Variants in ZFP30 observed in about 807,000 individuals in gnomAD.
ZFP30 encodes zinc finger protein 30 homolog.
Under a neutral mutation model 12.3 loss-of-function variants are expected in ZFP30, and 16 were observed. The ratio of observed to expected loss-of-function variants is 1.30; its 90% confidence interval spans 0.88 to 1.98. The LOEUF (loss-of-function observed/expected upper bound fraction) is 1.98, where lower values mean the gene tolerates loss of function less well. ZFP30 is among the 30% of genes most tolerant of loss of function. The pLI, the probability that ZFP30 is intolerant of heterozygous loss-of-function variation, is 0.00. For synonymous variants in ZFP30, 172 were observed against 201.0 expected, an observed-to-expected ratio of 0.86 and a Z score of 1.22; for missense variants, 560 against 611.2, an observed-to-expected ratio of 0.92 and a Z score of 0.88.
At position 37,644,672 on chromosome 19, in the gene ZFP30, G is replaced by T; in HGVS notation, c.74C>A (p.Ser25Ter). 6.2e-7 allele frequency: 1 copy of T among 1,613,382 alleles called. No homozygotes were observed. Among genetic ancestry groups the T allele is most frequent in the South Asian group, 1.1e-5 (1 of 90,946 alleles). Residue 25 changes from serine to a stop codon, truncating the protein, a stop_gained, in exon 4 of 6, where the codon TCA (serine) becomes TAA (stop). Transcript: ENST00000684514. LOFTEE classifies it high-confidence loss of function. ...ATCTCTGTACAAATTCCTCTGATAT[G>T]AGTTCAGGCATTCCCATTCTTCCTG... The part of the protein sequence containing the change: ...FSQEEWECLN[S>*]YQRNLYRDVI...
At chr19:37,646,479 TATACCAG>T (rs1324765665) in intron 3 of ZFP30, among the ~76,000 whole-genome samples, 4 of 152,188 alleles carry the variant, frequency 2.6e-5, no homozygotes, top group East Asian at 1.9e-4. Context: ...ATGTAAAATA[TATACCAG>T]ATACCAGATA....
In ZFP30 at chr19:37,633,789, A is replaced by G. The variant is rs1264958556; in HGVS notation, c.*1192T>C. On this transcript the variant is annotated 3_prime_UTR_variant, in exon 6 of 6. Coordinates refer to ENST00000684514, the MANE Select transcript of ZFP30 (RefSeq NM_001320669.3). The stretch of plus-strand genomic sequence containing the variant: ...AAAACAAATAAAAACCATGTATCCA[A>G]GACTTAGGTTACCATCATTTTGCCA... 3 of 152,224 alleles carry G rather than the reference A, an allele frequency of 2.0e-5. No individual in the cohort carries two copies. The East Asian group carries it at 5.8e-4, about 29-fold the overall frequency. 9.4% of individuals were successfully genotyped at this position (152,224 alleles called of 1,614,324 possible).
At chr19:37,655,076 G>T (rs549311693) in intron 1 of ZFP30, 197 bp from the exon 2 acceptor site, 1 of 152,414 alleles carries the variant, frequency 6.6e-6, no homozygotes, top group South Asian at 2.1e-4. Context: ...GTTTTGCAGG[G>T]GACCTTCATC....
At chr19:37,651,783 C>T (rs148913600) in intron 2 of ZFP30, among the ~76,000 whole-genome samples, 10 of 152,202 alleles carry the variant, frequency 6.6e-5, no homozygotes, top group Non-Finnish European at 1.5e-4. Context: ...GAAGGAATTG[C>T]TTGGGCAGTT....
Position 37,640,765 on chromosome 19 carries a change from A to T in ZFP30, c.235+2500T>A, listed in dbSNP as rs114587361. The stretch of plus-strand genomic sequence containing the variant: ...TAAAATAAAGTAAAATAAAATAATA[A>T]AATAAAATAAAATAGGGAGCAAATT... On this transcript the variant is annotated intron_variant, in intron 5 of 5. Transcript: ENST00000684514. 4.8e-3 allele frequency among the ~76,000 whole-genome samples: 732 copies of T among 151,766 alleles called. 7 individuals carry two copies. Among genetic ancestry groups the T allele is most frequent in the African/African-American group, 0.017 (684 of 41,422 alleles).
At chr19:37,640,869 A>T (rs1355111871) in intron 5 of ZFP30, among the ~76,000 whole-genome samples, 1 of 152,114 alleles carries the variant, frequency 6.6e-6, no homozygotes, top group South Asian at 2.1e-4. Flanking sequence ...CTGATACAAG[A>T]TTATACAGGA....
In ZFP30 at chr19:37,635,886, A is replaced by G; in HGVS notation, c.655T>C (p.Cys219Arg). The change falls in exon 6 of 6, where the codon TGT becomes CGT. Residue 219 changes from cysteine (C) to arginine (R), a missense_variant. Cys to Arg is a radical substitution (Grantham distance 180, BLOSUM62 -3). Transcript: ENST00000684514. ...GAGCCACATGTGAAGATCTTTCCAC[A>G]TTTTTTACATTCATAGAGTTTGTCA... ...TSDKLYECKK[C>R]GKIFTCGSDL... 3.1e-6 allele frequency: 5 copies of G among 1,614,074 alleles called. No individual in the cohort carries two copies. The highest frequency in any genetic ancestry group is 4.2e-6 in the Non-Finnish European group (5 of 1,180,002).
upstream of ZFP30, chr19:37,655,621 T>G (rs2044744093): frequency 6.6e-6 from 1 of 152,414 alleles, no homozygotes; most frequent in Non-Finnish European, 1.5e-5. Flanking sequence ...GCAGTGTCCC[T>G]CGCCTCAGGC....
At chr19:37,640,490 TTAGTC>T (rs1375484023) in intron 5 of ZFP30, among the ~76,000 whole-genome samples, 8 of 150,914 alleles carry the variant, frequency 5.3e-5, no homozygotes, top group African/African-American at 7.3e-5. Flanking sequence ...ATCAAAGAGT[TTAGTC>T]TAGTAAGCAC....
rs767270636 is a variant in ZFP30, at chr19:37,635,600, C to T, written c.941G>A (p.Arg314Gln). 4.3e-6 allele frequency: 7 copies of T among 1,613,920 alleles called. No individual in the cohort carries two copies. Among genetic ancestry groups the T allele is most frequent in the East Asian group, 2.2e-5 (1 of 44,858 alleles). Residue 314 changes from arginine (R) to glutamine (Q), a missense_variant, in exon 6 of 6, where the codon CGA becomes CAA. Transcript: ENST00000684514. Reference protein sequence around the residue: ...GQAFLCSTGLRLHHKLHTGEK... With the variant: ...GQAFLCSTGLQLHHKLHTGEK... Reference sequence around the variant, plus strand: ...TCCAGTATGAAGTTTGTGATGTAGTCGAAGGCCTGTACTACACAGAAAGGC... The same window carrying T: ...TCCAGTATGAAGTTTGTGATGTAGTTGAAGGCCTGTACTACACAGAAAGGC...
At chr19:37,639,865 A>G (rs1357073985) in intron 5 of ZFP30, among the ~76,000 whole-genome samples, 1 of 152,080 alleles carries the variant, frequency 6.6e-6, no homozygotes, top group Non-Finnish European at 1.5e-5. Context: ...TCCCTACTTA[A>G]GTGACAAGCC....
intron 4 of ZFP30, 181 bp downstream of exon 4, chr19:37,644,429 G>T: frequency 2.1e-6 from 1 of 468,246 alleles, no homozygotes; most frequent in South Asian, 3.4e-5. Flanking sequence ...AGCTACTCGG[G>T]AGGCTGAGGC....
At chr19:37,639,073 A>G (rs1170578285) in intron 5 of ZFP30, among the ~76,000 whole-genome samples, 1 of 152,210 alleles carries the variant, frequency 6.6e-6, no homozygotes, top group Non-Finnish European at 1.5e-5. Flanking sequence ...AATGGAACAG[A>G]AAATACTGCT....
At chr19:37,639,812 T>A (rs372373993) in intron 5 of ZFP30, among the ~76,000 whole-genome samples, 4 of 136,002 alleles carry the variant, frequency 2.9e-5, no homozygotes, top group Non-Finnish European at 6.5e-5. Flanking sequence ...AAAAAAAAAA[T>A]TGCCAGTGTT....
At chr19:37,655,848 A>T (rs1358054125), upstream of ZFP30, 1 of 152,082 alleles carries the variant, frequency 6.6e-6, no homozygotes, top group African/African-American at 2.4e-5. Flanking sequence ...TTCTGCCTCG[A>T]GTGCGCAAGC....
At chr19:37,652,378 TC>T (rs1440912861) in intron 2 of ZFP30, among the ~76,000 whole-genome samples, 1 of 151,650 alleles carries the variant, frequency 6.6e-6, no homozygotes, top group African/African-American at 2.4e-5. Context: ...ACCAGCTTGG[TC>T]AACATAGTGA....
intron 2 of ZFP30, among the ~76,000 whole-genome samples, chr19:37,649,973 T>C (rs2044617132): frequency 6.6e-6 from 1 of 152,192 alleles, no homozygotes; most frequent in South Asian, 2.1e-4. Flanking sequence ...AATGTAATTG[T>C]ATTTCGGCAG....
chr19:37,637,475 C>CA (rs2044353294), intron 5 of ZFP30, among the ~76,000 whole-genome samples: 1 of 151,806 alleles, frequency 6.6e-6, no homozygotes, highest in South Asian at 2.1e-4. Context: ...AGGCGTCAGC[C>CA]ACCGCGCCCA....
intron 5 of ZFP30, among the ~76,000 whole-genome samples, chr19:37,641,475 A>T (rs1313425024): frequency 1.3e-5 from 2 of 152,206 alleles, no homozygotes; most frequent in Non-Finnish European, 1.5e-5. Flanking sequence ...TTTCTAACAT[A>T]TCAAAAAGTA....
Sources: allele counts gnomAD v4.1 joint callset (sites outside exome capture counted in the v4.1 genomes callset), GRCh38; gene constraint gnomAD v4.1.1; transcripts MANE v1.5; gene names NCBI Gene and HGNC (gene_info 2026-07-23, HGNC 2026-07-21).